The following RAB27B variants were observed in gnomAD, a reference collection of about 807,000 sequenced individuals.
The protein encoded by RAB27B is ras-related protein Rab-27B.
A neutral mutation model predicts 24.6 loss-of-function variants in RAB27B; 15 were observed. The observed-to-expected ratio is 0.61, with a 90% confidence interval of 0.41 to 0.94. The LOEUF (loss-of-function observed/expected upper bound fraction) is 0.94. Among genes scored for constraint, RAB27B ranks in the 40% least tolerant of loss-of-function variants. RAB27B has a pLI of 0.00. For missense variants in RAB27B, 261 were observed against 266.8 expected (o/e 0.98, Z 0.15); for synonymous variants, 105 against 92.5 (o/e 1.14, Z -0.78).
intron 2 of RAB27B, among the ~76,000 whole-genome samples, chr18:54,815,727 C>G (rs966528398): frequency 1.3e-5 from 2 of 152,176 alleles, no homozygotes; most frequent in Non-Finnish European, 2.9e-5. Flanking sequence ...AGCAATTCAT[C>G]ATGGTATTTA....
chr18:54,739,929 C>A (rs1332008383), intron 2 of RAB27B, among the ~76,000 whole-genome samples: 1 of 152,118 alleles, frequency 6.6e-6, no homozygotes, highest in Non-Finnish European at 1.5e-5. Flanking sequence ...TGAGAAATGT[C>A]TACTCAAATC....
chr18:54,859,796 A>G (rs947284301), intron 1 of RAB27B, among the ~76,000 whole-genome samples: 3 of 152,268 alleles, frequency 2.0e-5, no homozygotes, highest in Non-Finnish European at 4.4e-5. Flanking sequence ...CGATTAGGTT[A>G]CTGCCAAGAA....
rs147544399 is a variant in RAB27B, at chr18:54,779,502, C to T, written c.-20+61361C>T. Among the ~76,000 whole-genome samples, 693 of 152,230 alleles carry T rather than the reference C, an allele frequency of 4.6e-3. 9 individuals carry two copies. The highest frequency in any genetic ancestry group is 0.014 in the African/African-American group (596 of 41,540). Reference sequence around the variant, plus strand: ...CGGTGGGACACAACACAGACAGAATCCCAAGATTAATGCCTCATGTTACTA... The same window carrying T: ...CGGTGGGACACAACACAGACAGAATTCCAAGATTAATGCCTCATGTTACTA... On this transcript the variant is annotated intron_variant, in intron 2 of 4. Transcript: ENST00000586570.
At chr18:54,838,655 C>A (rs1255226143) in intron 1 of RAB27B, among the ~76,000 whole-genome samples, 1 of 152,102 alleles carries the variant, frequency 6.6e-6, no homozygotes, top group Non-Finnish European at 1.5e-5. Flanking sequence ...TTCATAAAAG[C>A]TCCCTATAAT....
chr18:54,797,135 G>A (rs745765864), intron 2 of RAB27B, among the ~76,000 whole-genome samples: 1 of 152,186 alleles, frequency 6.6e-6, no homozygotes, highest in African/African-American at 2.4e-5. Context: ...ATGCAGAAAG[G>A]CAAACAGACA....
At chr18:54,761,615 A>C (rs1458331805) in intron 2 of RAB27B, among the ~76,000 whole-genome samples, 1 of 152,226 alleles carries the variant, frequency 6.6e-6, no homozygotes, top group East Asian at 1.9e-4. Flanking sequence ...CTGGGCTGCC[A>C]CATAGCCCTT....
chr18:54,818,443 C>T (rs755901116), intron 2 of RAB27B, among the ~76,000 whole-genome samples: 37 of 152,136 alleles, frequency 2.4e-4, no homozygotes, highest in Non-Finnish European at 4.9e-4. Context: ...TATCACTTTG[C>T]TTATACAAAT....
At chr18:54,817,738 G>A (rs1048730713) in intron 2 of RAB27B, among the ~76,000 whole-genome samples, 3 of 151,840 alleles carry the variant, frequency 2.0e-5, no homozygotes, top group African/African-American at 7.2e-5. Context: ...CACAGTCAGT[G>A]TAGTGAACCT....
intron 2 of RAB27B, among the ~76,000 whole-genome samples, chr18:54,781,570 C>T (rs1230607922): frequency 1.3e-5 from 2 of 152,086 alleles, no homozygotes; most frequent in Non-Finnish European, 2.9e-5. Context: ...GCTTCTTAAA[C>T]TTTCAATTTG....
At chr18:54,747,105 T>G (rs1287869587) in intron 2 of RAB27B, among the ~76,000 whole-genome samples, 1 of 152,194 alleles carries the variant, frequency 6.6e-6, no homozygotes, top group African/African-American at 2.4e-5. Flanking sequence ...GACAGGATTT[T>G]TATGTTTGGC....
intron 2 of RAB27B, among the ~76,000 whole-genome samples, chr18:54,775,330 AT>A (rs1908681806): frequency 6.6e-6 from 1 of 152,204 alleles, no homozygotes. Flanking sequence ...TTGATGCCAA[AT>A]TAACAATATT....
intron 1 of RAB27B, among the ~76,000 whole-genome samples, chr18:54,875,260 G>A (rs1030042411): frequency 3.9e-5 from 6 of 152,132 alleles, no homozygotes; most frequent in Non-Finnish European, 5.9e-5. Context: ...AGGGAAGGTC[G>A]ATGCTGCAGT....
intron 1 of RAB27B, among the ~76,000 whole-genome samples, chr18:54,850,800 T>G (rs1911555542): frequency 6.6e-6 from 1 of 150,882 alleles, no homozygotes; most frequent in South Asian, 2.1e-4. Context: ...AATTTAAATA[T>G]TTTTAAAATT....
intron 1 of RAB27B, among the ~76,000 whole-genome samples, chr18:54,831,027 G>T (rs1359274301): frequency 6.6e-6 from 1 of 152,136 alleles, no homozygotes; most frequent in Non-Finnish European, 1.5e-5. Flanking sequence ...CAAAATTCCT[G>T]ACCTTGTAGA....
chr18:54,805,658 A>C (rs1019441942), intron 2 of RAB27B, among the ~76,000 whole-genome samples: 2 of 152,188 alleles, frequency 1.3e-5, no homozygotes, highest in Admixed American at 6.5e-5. Context: ...TTCAGGAATC[A>C]TGTGTTATTT....
chr18:54,868,865 T>C (rs1174997729), intron 1 of RAB27B, among the ~76,000 whole-genome samples: 1 of 152,128 alleles, frequency 6.6e-6, no homozygotes, highest in Non-Finnish European at 1.5e-5. Context: ...CTCTCTGTTT[T>C]TATTAAGAGG....
Position 54,788,530 on chromosome 18 carries a change from T to G in RAB27B, c.-20+70389T>G, listed in dbSNP as rs540197135. Among the ~76,000 whole-genome samples the G allele has an allele frequency of 5.3e-5, 8 of 152,314 alleles. No homozygotes were observed. The South Asian group carries it at 1.7e-3, about 32-fold the overall frequency. On this transcript the variant is annotated intron_variant, in intron 2 of 4. Transcript: ENST00000586570. The stretch of plus-strand genomic sequence containing the variant: ...GTTGGCCATGTTGGTCTCAAACTCC[T>G]GACCTCAAGTGCTCCTCCTGCCTTG...
chr18:54,845,119 A>G (rs1475474459), intron 1 of RAB27B, among the ~76,000 whole-genome samples: 1 of 152,178 alleles, frequency 6.6e-6, no homozygotes, highest in African/African-American at 2.4e-5. Flanking sequence ...GTAAAAATCC[A>G]TTTAGGACCT....
At chr18:54,852,134 A>G (rs550212988) in intron 1 of RAB27B, among the ~76,000 whole-genome samples, 2 of 152,218 alleles carry the variant, frequency 1.3e-5, no homozygotes, top group Non-Finnish European at 2.9e-5. Flanking sequence ...CACTTGTTAC[A>G]AAGAAATGCA....
Sources: gnomAD v4.1 joint callset for allele counts (sites outside exome capture counted in the v4.1 genomes callset) on GRCh38, gnomAD v4.1.1 for gene constraint, MANE v1.5 for transcripts, NCBI Gene and HGNC (gene_info 2026-07-23, HGNC 2026-07-21) for gene names.